Variants in ATP2B4 observed in about 807,000 individuals in gnomAD.
The protein encoded by ATP2B4 is ATPase plasma membrane Ca2+ transporting 4, also known as plasma membrane calcium-transporting ATPase 4.
ATP2B4 carries 39 observed loss-of-function variants against 110.3 expected under a neutral mutation model. That is an observed-to-expected ratio of 0.35 (90% CI 0.27 to 0.46). The LOEUF (loss-of-function observed/expected upper bound fraction) is 0.46, where lower values mean the gene tolerates loss of function less well. Ranked by LOEUF, ATP2B4 falls within the 20% of genes least tolerant of loss-of-function variation. The pLI, the probability that ATP2B4 is intolerant of heterozygous loss-of-function variation, is 1.00. For synonymous variants in ATP2B4, 538 were observed against 571.7 expected (o/e 0.94, Z 0.84); for missense variants, 1,135 against 1,530.9 (o/e 0.74, Z 4.32).
At chr1:203,702,364 G>C (rs550882828) in intron 7 of ATP2B4, among the ~76,000 whole-genome samples, 29 of 152,262 alleles carry the variant, frequency 1.9e-4, no homozygotes, top group African/African-American at 6.7e-4. Flanking sequence ...CTAGGGAGCT[G>C]AACTCTGCTT....
chr1:203,736,414 G>T (rs1004637610), intron 20 of ATP2B4, among the ~76,000 whole-genome samples: 1 of 152,026 alleles, frequency 6.6e-6, no homozygotes, highest in Non-Finnish European at 1.5e-5. Flanking sequence ...GTTGCAGTGA[G>T]CTGAGATCAC....
chr1:203,742,371 G>A lies in ATP2B4; in HGVS notation c.*2517G>A, dbSNP rs1376672972. ...TATAAATTTTGTTGATATGGAATTA[G>A]GTAAGTTTAAGTGTCTATGTGCATA... On this transcript the variant is annotated 3_prime_UTR_variant, in exon 21 of 21. Coordinates refer to ENST00000357681, the MANE Select transcript of ATP2B4 (RefSeq NM_001684.5). 6.6e-6 allele frequency: 1 copy of A among 152,604 alleles called. No individual in the cohort carries two copies. Among genetic ancestry groups the A allele is most frequent in the African/African-American group, 2.4e-5 (1 of 41,442 alleles). The allele number at this position is 152,604 out of a possible 1,614,324, so 9.5% of individuals were successfully genotyped here. A position where few individuals can be genotyped will look rare whatever the true frequency, so the allele number is the denominator to read the frequency against.
chr1:203,633,698 C>A (rs575396991), intron 1 of ATP2B4, among the ~76,000 whole-genome samples: 1 of 127,282 alleles, frequency 7.9e-6, no homozygotes, highest in African/African-American at 2.8e-5. Context: ...GGAGACAGAG[C>A]GAGACTCCAT....
At chr1:203,695,715 C>T (rs1282678685) in intron 2 of ATP2B4, among the ~76,000 whole-genome samples, 1 of 134,196 alleles carries the variant, frequency 7.5e-6, no homozygotes, top group Non-Finnish European at 1.6e-5. Flanking sequence ...CCACTTTCAT[C>T]TCCCACCCCC....
intron 14 of ATP2B4, among the ~76,000 whole-genome samples, chr1:203,713,799 A>G (rs1666082387): frequency 6.6e-6 from 1 of 152,128 alleles, no homozygotes; most frequent in Admixed American, 6.6e-5. Flanking sequence ...ATCATGTCTT[A>G]TTTACCAATA....
At chr1:203,658,958 C>T (rs187967478) in intron 1 of ATP2B4, among the ~76,000 whole-genome samples, 6 of 150,294 alleles carry the variant, frequency 4.0e-5, no homozygotes, top group South Asian at 4.3e-4. Context: ...GAGCCGAGAT[C>T]GCGCCACTGC....
At position 203,727,384 on chromosome 1, in the gene ATP2B4, C is replaced by T. The variant is rs191942591; in HGVS notation, c.3133-11C>T. ...TTCTGACGTCTTCCTCTTCGCTGCGCTTGTTTTCAGTTCATCTCCGCAATA... is the reference window on the plus strand; with the variant it reads ...TTCTGACGTCTTCCTCTTCGCTGCGTTTGTTTTCAGTTCATCTCCGCAATA... On this transcript the variant is annotated splice_polypyrimidine_tract_variant and intron_variant, in intron 19 of 20. Coordinates refer to ENST00000357681, the MANE Select transcript of ATP2B4 (RefSeq NM_001684.5). The T allele has an allele frequency of 1.9e-5, 30 of 1,613,680 alleles. No homozygotes were observed. In the African/African-American group the frequency reaches 2.3e-4, roughly 12 times the overall value.
intron 3 of ATP2B4, 51 bp from the exon 4 acceptor site, chr1:203,699,409 T>C (rs762906264): frequency 6.2e-7 from 1 of 1,602,438 alleles, no homozygotes; most frequent in Non-Finnish European, 8.5e-7. Flanking sequence ...TCCTATTTCT[T>C]AATGTCAACA....
chr1:203,707,226 G>A lies in ATP2B4; in HGVS notation c.1314+3G>A, dbSNP rs1191477980. On this transcript the variant is annotated splice_donor_region_variant and intron_variant, in intron 9 of 20. Transcript: ENST00000357681. The stretch of plus-strand genomic sequence containing the variant: ...TCTCACTGGCCTACTCTGTGAAGGT[G>A]AGACTAGAACAATCCTATCTCTTCC... 1.9e-6 allele frequency: 3 copies of A among 1,612,210 alleles called. No homozygotes were observed. Among genetic ancestry groups the A allele is most frequent in the African/African-American group, 2.7e-5 (2 of 74,920 alleles).
At chr1:203,656,911 A>C (rs1280643616) in intron 1 of ATP2B4, 2 of 594,268 alleles carry the variant, frequency 3.4e-6, no homozygotes, top group Admixed American at 5.3e-5. Context: ...ACATTACAGT[A>C]ATGGCAGTTT....
At chr1:203,648,621 G>C (rs1385706208) in intron 1 of ATP2B4, among the ~76,000 whole-genome samples, 2 of 152,216 alleles carry the variant, frequency 1.3e-5, no homozygotes, top group Non-Finnish European at 2.9e-5. Flanking sequence ...TTCGGTGCAG[G>C]ATCCAGGGCC....
intron 1 of ATP2B4, among the ~76,000 whole-genome samples, chr1:203,643,829 C>T (rs1663707746): frequency 6.6e-6 from 1 of 152,194 alleles, no homozygotes; most frequent in African/African-American, 2.4e-5. Context: ...TTGGTTTTGG[C>T]TGCAGCGTTT....
At chr1:203,716,318 C>T (rs2102206465) in intron 15 of ATP2B4, among the ~76,000 whole-genome samples, 1 of 145,390 alleles carries the variant, frequency 6.9e-6, no homozygotes, top group African/African-American at 2.5e-5. Flanking sequence ...ATTCTTTCCC[C>T]ACTAATGAAA....
chr1:203,678,279 GA>G (rs1664887987), intron 1 of ATP2B4, among the ~76,000 whole-genome samples: 1 of 151,990 alleles, frequency 6.6e-6, no homozygotes, highest in African/African-American at 2.4e-5. Flanking sequence ...AGCAGCCTGG[GA>G]AAGCTAAAAG....
At position 203,699,320 on chromosome 1, in the gene ATP2B4, C is replaced by T. The variant is rs922009672; in HGVS notation, c.392-140C>T. ...ACTCAATCCTGCTATCCTCTGATAT[C>T]CTCTTCCAGCCAACAGTTGTATTTG... On this transcript the variant is annotated intron_variant, in intron 3 of 20. Transcript: ENST00000357681. 2.6e-6 allele frequency: 3 copies of T among 1,150,838 alleles called. No individual in the cohort carries two copies. The African/African-American group carries it at 4.6e-5, about 18-fold the overall frequency. The allele number at this position is 1,150,838 out of a possible 1,614,324, so 71.3% of individuals were successfully genotyped here. A position where few individuals can be genotyped will look rare whatever the true frequency, so the allele number is the denominator to read the frequency against.
At chr1:203,717,572 G>A (rs946922711) in intron 15 of ATP2B4, among the ~76,000 whole-genome samples, 3 of 151,828 alleles carry the variant, frequency 2.0e-5, no homozygotes, top group Admixed American at 6.6e-5. Context: ...CTGGATAGGA[G>A]ATAGTCCATT....
rs113753083 is a variant in ATP2B4 at position 203,674,905 on chromosome 1, C to T, written c.-464-7837C>T. 8.2e-3 allele frequency among the ~76,000 whole-genome samples: 1,255 copies of T among 152,166 alleles called. 12 individuals are homozygous for T. Among genetic ancestry groups the T allele is most frequent in the African/African-American group, 0.028 (1,166 of 41,504 alleles). On this transcript the variant is annotated intron_variant, in intron 1 of 20. Coordinates refer to ENST00000357681, the MANE Select transcript of ATP2B4 (RefSeq NM_001684.5). ...TATATTTTTAGTAGAGACGGGGTTT[C>T]GCCATGTTGGCCAGGCTGGTCTCAA...
At chr1:203,727,257 C>A in intron 19 of ATP2B4, 138 bp from the exon 20 acceptor site, 1 of 969,104 alleles carries the variant, frequency 1.0e-6, no homozygotes, top group Non-Finnish European at 1.5e-6. Context: ...TGGATTGGTG[C>A]TTCTGCCCAC....
chr1:203,630,804 C>T (rs1445969579), intron 1 of ATP2B4, among the ~76,000 whole-genome samples: 2 of 152,220 alleles, frequency 1.3e-5, no homozygotes, highest in Non-Finnish European at 2.9e-5. Flanking sequence ...AGCAAGGCCT[C>T]TGCCTTGTCA....
Sources: gnomAD v4.1 joint callset for allele counts (sites outside exome capture counted in the v4.1 genomes callset) on GRCh38, gnomAD v4.1.1 for gene constraint, MANE v1.5 for transcripts, NCBI Gene and HGNC (gene_info 2026-07-23, HGNC 2026-07-21) for gene names.